The following PPP1R8 variants were observed in gnomAD, a reference collection of about 807,000 sequenced individuals.
The protein encoded by PPP1R8 is protein phosphatase 1 regulatory subunit 8, also known as nuclear inhibitor of protein phosphatase 1.
A neutral mutation model predicts 31.3 loss-of-function variants in PPP1R8; 4 were observed. That is an observed-to-expected ratio of 0.13 (90% CI 0.06 to 0.29). The LOEUF (loss-of-function observed/expected upper bound fraction) is 0.29. Among genes scored for constraint, PPP1R8 ranks in the 10% least tolerant of loss-of-function variants. The pLI is 1.00. For missense variants in PPP1R8, 254 were observed against 440.1 expected (o/e 0.58, Z 3.78); for synonymous variants, 170 against 169.7 (o/e 1.00, Z -0.01).
intron 4 of PPP1R8, among the ~76,000 whole-genome samples, chr1:27,842,169 C>T (rs944855614): frequency 1.2e-4 from 19 of 152,198 alleles, no homozygotes; most frequent in African/African-American, 4.3e-4. Context: ...GGAGAAACCC[C>T]ATCTCTACTA....
At chr1:27,840,092 AATTAATTGAAGTATCCAT>A (rs2089208797) in intron 3 of PPP1R8, among the ~76,000 whole-genome samples, 1 of 152,228 alleles carries the variant, frequency 6.6e-6, no homozygotes, top group Non-Finnish European at 1.5e-5. Flanking sequence ...CATAAGTATT[AATTAATTGAAGTATCCAT>A]AAGCATACAC....
At chr1:27,838,589 C>A in intron 2 of PPP1R8, 110 bp from the exon 3 acceptor site, 1 of 635,724 alleles carries the variant, frequency 1.6e-6, no homozygotes, top group Non-Finnish European at 2.4e-6. Flanking sequence ...AGTTTTTACT[C>A]AATCTAATGG....
Position 27,851,516 on chromosome 1 carries a change from G to A in PPP1R8, c.*1070G>A, listed in dbSNP as rs748640564. 4.4e-5 allele frequency: 21 copies of A among 475,210 alleles called. No homozygotes were observed. The highest frequency in any genetic ancestry group is 6.4e-5 in the Non-Finnish European group (15 of 236,128). The allele number at this position is 475,210 out of a possible 1,614,324, so 29.4% of individuals were successfully genotyped here. A position where few individuals can be genotyped will look rare whatever the true frequency, so the allele number is the denominator to read the frequency against. On this transcript the variant is annotated 3_prime_UTR_variant, in exon 7 of 7. Transcript: ENST00000311772. ...ACCTTTATTACATTGTAAATTAAAC[G>A]TAACTTTTGTCATTTGGGTGCAGGC... is the stretch of plus-strand genomic sequence containing the variant.
At chr1:27,831,161 C>T in intron 1 of PPP1R8, 1 of 1,232,644 alleles carries the variant, frequency 8.1e-7, no homozygotes, top group Non-Finnish European at 1.0e-6. Flanking sequence ...GTCGCCGGAG[C>T]GCTTCGAGGC....
intron 5 of PPP1R8, 43 bp downstream of exon 5, chr1:27,843,373 T>C: frequency 6.2e-7 from 1 of 1,613,314 alleles, no homozygotes; most frequent in South Asian, 1.1e-5. Context: ...AAGCTGTGGT[T>C]GGCCCGGGCG....
intron 1 of PPP1R8, chr1:27,831,121 A>C: frequency 3.7e-6 from 5 of 1,335,302 alleles, no homozygotes; most frequent in Non-Finnish European, 4.8e-6. Flanking sequence ...AAAGGCGCTC[A>C]CTTAGGCAGC....
intron 2 of PPP1R8, among the ~76,000 whole-genome samples, chr1:27,833,666 T>G (rs1304242629): frequency 1.3e-5 from 2 of 152,204 alleles, no homozygotes; most frequent in Non-Finnish European, 2.9e-5. Context: ...TTATATTTGC[T>G]TGCTCAGCTA....
At chr1:27,837,384 T>G (rs2089177504) in intron 2 of PPP1R8, among the ~76,000 whole-genome samples, 2 of 149,320 alleles carry the variant, frequency 1.3e-5, no homozygotes, top group Admixed American at 1.3e-4. Context: ...TGAGCCGAGA[T>G]CACGCCACTG....
intron 3 of PPP1R8, among the ~76,000 whole-genome samples, chr1:27,839,884 C>T: frequency 6.6e-6 from 1 of 151,926 alleles, no homozygotes; most frequent in South Asian, 2.1e-4. Context: ...TGTAATGAGA[C>T]CCGCGTCTCT....
At chr1:27,841,629 A>C (rs774877485) in intron 4 of PPP1R8, among the ~76,000 whole-genome samples, 2 of 152,236 alleles carry the variant, frequency 1.3e-5, no homozygotes. Flanking sequence ...AGTGGCTGCT[A>C]TGTTGGCTAG....
At chr1:27,843,098 T>C in intron 4 of PPP1R8, 88 bp from the exon 5 acceptor site, 2 of 1,519,204 alleles carry the variant, frequency 1.3e-6, no homozygotes, top group Non-Finnish European at 9.0e-7. Flanking sequence ...TAGCCCCTCA[T>C]GCCTTCCTCA....
chr1:27,846,946 A>G, intron 5 of PPP1R8, 82 bp from the exon 6 acceptor site: 1 of 1,145,126 alleles, frequency 8.7e-7, no homozygotes. Flanking sequence ...AGTTGTTGTG[A>G]TGGTTTGTTT....
In PPP1R8 at chr1:27,845,398, A is replaced by G. The variant is rs901270806; in HGVS notation, c.638-1630A>G. On this transcript the variant is annotated intron_variant, in intron 5 of 6. Transcript: ENST00000311772. Reference sequence around the variant, plus strand: ...GAGCAAGACTCCGTTTCAAAAAAAAAAAAGAAAGAAAGAAAATTAGTGCCC... The same window carrying G: ...GAGCAAGACTCCGTTTCAAAAAAAAGAAAGAAAGAAAGAAAATTAGTGCCC... Among the ~76,000 whole-genome samples, 5 of 151,408 alleles carry G rather than the reference A, an allele frequency of 3.3e-5. No homozygotes were observed. In the East Asian group the frequency reaches 7.9e-4, roughly 24 times the overall value.
intron 5 of PPP1R8, among the ~76,000 whole-genome samples, chr1:27,844,252 C>T (rs1253775733): frequency 6.6e-6 from 1 of 152,162 alleles, no homozygotes. Context: ...ATCCTCCTGC[C>T]TCAGTCTCCC....
At chr1:27,849,365 C>CTT (rs1249424746) in intron 6 of PPP1R8, among the ~76,000 whole-genome samples, 1 of 134,464 alleles carries the variant, frequency 7.4e-6, no homozygotes, top group Non-Finnish European at 1.5e-5. Flanking sequence ...GAGTGAAACT[C>CTT]TGTCTCAAAA....
intron 3 of PPP1R8, among the ~76,000 whole-genome samples, chr1:27,840,309 C>A (rs2089210738): frequency 6.6e-6 from 1 of 152,190 alleles, no homozygotes; most frequent in South Asian, 2.1e-4. Flanking sequence ...CAGAAACATA[C>A]ACTCACACAT....
rs2148619602 is a variant in PPP1R8, at chr1:27,845,937, A to C, written c.638-1091A>C. Reference sequence around the variant, plus strand: ...CCCGAGTAGCTGGGACTACAGGTGCACGCCACCACACCCAGCTAATTTTTT... The same window carrying C: ...CCCGAGTAGCTGGGACTACAGGTGCCCGCCACCACACCCAGCTAATTTTTT... On this transcript the variant is annotated intron_variant, in intron 5 of 6. Coordinates refer to ENST00000311772, the MANE Select transcript of PPP1R8 (RefSeq NM_014110.5). Among the ~76,000 whole-genome samples, 2 of 151,114 alleles carry C rather than the reference A, an allele frequency of 1.3e-5. 1 individual carries two copies. Among genetic ancestry groups the C allele is most frequent in the Admixed American group, 1.3e-4 (2 of 15,182 alleles).
intron 6 of PPP1R8, among the ~76,000 whole-genome samples, chr1:27,849,709 A>G (rs2089321237): frequency 6.6e-6 from 1 of 152,100 alleles, no homozygotes; most frequent in African/African-American, 2.4e-5. Context: ...GGCTGGTCTC[A>G]AACTCCTGAT....
At chr1:27,836,704 C>G (rs953434604) in intron 2 of PPP1R8, among the ~76,000 whole-genome samples, 13 of 152,106 alleles carry the variant, frequency 8.5e-5, no homozygotes, top group African/African-American at 3.1e-4. Flanking sequence ...AGGTTTGAGC[C>G]ACCGCACCCG....
Sources: gnomAD v4.1 joint callset for allele counts (sites outside exome capture counted in the v4.1 genomes callset) on GRCh38, gnomAD v4.1.1 for gene constraint, MANE v1.5 for transcripts, NCBI Gene and HGNC (gene_info 2026-07-23, HGNC 2026-07-21) for gene names.